RIN3: variants seen among roughly 807,000 people sequenced by gnomAD.
RIN3 encodes the protein RAB5 interacting protein 3.
A neutral mutation model predicts 76.3 loss-of-function variants in RIN3; 54 were observed. That is an observed-to-expected ratio of 0.71 (90% CI 0.57 to 0.89). RIN3 has a LOEUF of 0.89. RIN3 is among the 40% of genes least tolerant of loss of function. The pLI is 0.00. For synonymous variants in RIN3, 576 were observed against 564.0 expected, an observed-to-expected ratio of 1.02 and a Z score of -0.30; for missense variants, 1,256 against 1,322.1, an observed-to-expected ratio of 0.95 and a Z score of 0.78.
intron 3 of RIN3, among the ~76,000 whole-genome samples, chr14:92,603,138 G>A (rs937494534): frequency 1.1e-4 from 16 of 152,224 alleles, no homozygotes; most frequent in African/African-American, 3.9e-4. Flanking sequence ...CTTACACTGA[G>A]AGCTGCGGAC....
intron 2 of RIN3, among the ~76,000 whole-genome samples, chr14:92,558,927 C>T (rs113948207): frequency 0.016 from 2,213 of 134,304 alleles, 63 homozygotes; most frequent in African/African-American, 0.058. Flanking sequence ...CTTGCAGTGG[C>T]GCAATCTCAG....
intron 1 of RIN3, among the ~76,000 whole-genome samples, chr14:92,517,387 A>G (rs1307161093): frequency 6.6e-6 from 1 of 152,212 alleles, no homozygotes; most frequent in East Asian, 1.9e-4. Context: ...AAAAGTATAA[A>G]GGGGGCTGCC....
At chr14:92,522,403 A>G (rs997967000) in intron 1 of RIN3, among the ~76,000 whole-genome samples, 4 of 152,188 alleles carry the variant, frequency 2.6e-5, no homozygotes, top group African/African-American at 9.6e-5. Context: ...AGACACACCC[A>G]AAACAGGGAA....
chr14:92,592,961 A>G (rs1885037257), intron 3 of RIN3, among the ~76,000 whole-genome samples: 1 of 151,864 alleles, frequency 6.6e-6, no homozygotes, highest in Admixed American at 6.6e-5. Context: ...GGCATGAGCC[A>G]CCATACCCAG....
intron 7 of RIN3, among the ~76,000 whole-genome samples, chr14:92,662,933 C>T (rs1370142856): frequency 3.9e-5 from 6 of 152,046 alleles, no homozygotes; most frequent in Admixed American, 2.6e-4. Context: ...ACCTCAGCCT[C>T]CTGAGTAGCT....
chr14:92,616,465 A>T (rs1377047231), intron 4 of RIN3, among the ~76,000 whole-genome samples: 1 of 152,224 alleles, frequency 6.6e-6, no homozygotes, highest in Non-Finnish European at 1.5e-5. Flanking sequence ...ATTTCCTGTT[A>T]TAACTGAAGT....
Position 92,685,748 on chromosome 14 carries a change from A to G in RIN3, c.2631+598A>G, listed in dbSNP as rs1267514273. 1 of 151,348 alleles carries G rather than the reference A, an allele frequency of 6.6e-6. No individual in the cohort carries two copies. The highest frequency in any genetic ancestry group is 2.4e-5 in the African/African-American group (1 of 41,026). 9.4% of individuals were successfully genotyped at this position (151,348 alleles called of 1,614,324 possible). Reference sequence around the variant, plus strand: ...CCCAGCCCAGTTCACTGGCTGCTCAACCGCTGCCCTCACTGGTCAATCTCC... The same window carrying G: ...CCCAGCCCAGTTCACTGGCTGCTCAGCCGCTGCCCTCACTGGTCAATCTCC... On this transcript the variant is annotated intron_variant, in intron 9 of 9. Transcript: ENST00000216487. The surrounding 1 kb of genome is among the most constrained non-coding windows in gnomAD (Gnocchi z 4.7).
rs145090246 is a variant in RIN3, at chr14:92,579,584, T to A, written c.367+2107T>A. ...AGAATATTCCAAGCACTGGTTTACA[T>A]CTCTTGTAAATGGATCCATCTCTTG... On this transcript the variant is annotated intron_variant, in intron 3 of 9. Transcript: ENST00000216487. Among the ~76,000 whole-genome samples the A allele has an allele frequency of 2.7e-3, 416 of 152,382 alleles. 1 individual carries two copies. The highest frequency in any genetic ancestry group is 6.8e-3 in the Middle Eastern group (2 of 294).
intron 3 of RIN3, among the ~76,000 whole-genome samples, chr14:92,589,570 T>G (rs999366883): frequency 6.6e-6 from 1 of 152,186 alleles, no homozygotes; most frequent in Non-Finnish European, 1.5e-5. Flanking sequence ...CCCACCCCTT[T>G]GCTTTCATCA....
chr14:92,554,122 G>A (rs938677195), intron 1 of RIN3, among the ~76,000 whole-genome samples: 1 of 152,154 alleles, frequency 6.6e-6, no homozygotes, highest in Non-Finnish European at 1.5e-5. Flanking sequence ...CCTTGTCTGT[G>A]TGATTAAGGT....
chr14:92,688,205 GGCGGGAGCCCGCCCTGCCTGGTGGT>G lies in RIN3; in HGVS notation c.2922_2946del (p.Pro975ThrfsTer41), dbSNP rs774285933. The stretch of plus-strand genomic sequence containing the variant: ...CCTGGACGGTGGTGGCGGCGGCGGC[GGCGGGAGCCCGCCCTGCCTGGTGGT>G]GCGGGAGCCCAACTTCCTGTGAGGC... On this transcript the variant is annotated frameshift_variant, in exon 10 of 10. Coordinates refer to ENST00000216487, the MANE Select transcript of RIN3 (RefSeq NM_024832.5). LOFTEE classifies it high-confidence loss of function. 2.6e-5 allele frequency: 41 copies of G among 1,605,598 alleles called. No individual in the cohort carries two copies. Among genetic ancestry groups the G allele is most frequent in the Admixed American group, 5.0e-5 (3 of 59,688 alleles).
At chr14:92,628,834 C>T (rs1237136713) in intron 4 of RIN3, among the ~76,000 whole-genome samples, 1 of 152,042 alleles carries the variant, frequency 6.6e-6, no homozygotes, top group Non-Finnish European at 1.5e-5. Flanking sequence ...CTGGACAGGG[C>T]AATTATTCCC....
At chr14:92,627,411 G>GACCACAGA (rs767283270) in intron 4 of RIN3, among the ~76,000 whole-genome samples, 2 of 152,202 alleles carry the variant, frequency 1.3e-5, no homozygotes, top group Non-Finnish European at 2.9e-5. Context: ...AAGATGAGGT[G>GACCACAGA]ACCACAGAAC....
chr14:92,627,518 T>C (rs1886398627), intron 4 of RIN3, among the ~76,000 whole-genome samples: 1 of 152,178 alleles, frequency 6.6e-6, no homozygotes, highest in East Asian at 1.9e-4. Flanking sequence ...CTATGATCAT[T>C]CACACACACT....
rs950643338 is a variant in RIN3 at position 92,634,242 on chromosome 14, T to C, written c.441-6996T>C. ...GGCACCTGCCACCATGCCCTGCTAA[T>C]TTTTTTTATATTTTTAGTAAAGACT... On this transcript the variant is annotated intron_variant, in intron 4 of 9. Transcript: ENST00000216487. Among the ~76,000 whole-genome samples, 3 of 151,894 alleles carry C rather than the reference T, an allele frequency of 2.0e-5. No individual in the cohort carries two copies. In the East Asian group the frequency reaches 5.8e-4, roughly 29 times the overall value.
intron 1 of RIN3, among the ~76,000 whole-genome samples, chr14:92,546,834 C>T (rs1897277420): frequency 6.6e-6 from 1 of 151,768 alleles, no homozygotes; most frequent in African/African-American, 2.4e-5. Context: ...GGCCAGTGTC[C>T]CCAAAGCAAC....
chr14:92,521,894 C>T (rs1222022006), intron 1 of RIN3, among the ~76,000 whole-genome samples: 2 of 152,110 alleles, frequency 1.3e-5, no homozygotes, highest in Non-Finnish European at 2.9e-5. Context: ...ACAGAGCTGG[C>T]ATGTGAATTG....
rs897807534 is a variant in RIN3 at position 92,654,860 on chromosome 14, G to C, written c.2026+1785G>C. ...GGGGAGCTTACGGTCTATCAGAGGT[G>C]ACAGGCAATCAGCAAGAAGGATGAG... On this transcript the variant is annotated intron_variant, in intron 6 of 9. Coordinates refer to ENST00000216487, the MANE Select transcript of RIN3 (RefSeq NM_024832.5). Among the ~76,000 whole-genome samples, 5 of 152,186 alleles carry C rather than the reference G, an allele frequency of 3.3e-5. No individual in the cohort carries two copies. The South Asian group carries it at 1.0e-3, about 32-fold the overall frequency.
At chr14:92,536,712 A>C (rs8008171) in intron 1 of RIN3, among the ~76,000 whole-genome samples, 59,633 of 147,592 alleles carry the variant, frequency 0.4, 12,460 homozygotes, top group African/African-American at 0.51. Context: ...ACTGCACTCC[A>C]GCCTGGTGAC....
Sources: allele counts gnomAD v4.1 joint callset (sites outside exome capture counted in the v4.1 genomes callset), GRCh38; gene constraint gnomAD v4.1.1; non-coding constraint Gnocchi (gnomAD v3.1); transcripts MANE v1.5; gene names NCBI Gene and HGNC (gene_info 2026-07-23, HGNC 2026-07-21).